Variants in XKR7 observed in about 807,000 individuals in gnomAD.
The protein encoded by XKR7 is XK related 7, also known as XK-related protein 7.
XKR7 carries 11 observed loss-of-function variants against 42.2 expected under a neutral mutation model. The observed-to-expected ratio is 0.26, with a 90% CI of 0.16 to 0.43. The LOEUF (loss-of-function observed/expected upper bound fraction) is 0.43, where lower values mean the gene tolerates loss of function less well. Ranked by LOEUF, XKR7 falls within the 20% of genes least tolerant of loss-of-function variation. The probability of loss-of-function intolerance (pLI) is 1.00; values close to 1 mark genes in which losing one functional copy is unlikely to be tolerated. For synonymous variants in XKR7, 346 were observed against 366.4 expected, an observed-to-expected ratio of 0.94 and a Z score of 0.64; for missense variants, 710 against 802.2, an observed-to-expected ratio of 0.89 and a Z score of 1.39.
In XKR7 at chr20:31,968,692, T is replaced by C. The variant is rs963963189; in HGVS notation, c.517T>C (p.Cys173Arg). Residue 173 changes from cysteine (C) to arginine (R), a missense_variant, in exon 1 of 3, where the codon TGC (cysteine) becomes CGC (arginine). Cys to Arg is a radical substitution (Grantham distance 180). This residue lies in a region of XKR7 where 708 missense variants were observed against 786.2 expected (regional missense o/e 0.90). Coordinates refer to ENST00000562532, the MANE Select transcript of XKR7 (RefSeq NM_001011718.2). This position sits in a 1 kb window ranked among gnomAD's most constrained non-coding sequence, Gnocchi z 4.5. ...PSSASAYRRRCCRLCIWLLQT... is the reference protein window; with the variant it reads ...PSSASAYRRRRCRLCIWLLQT... ...CTCGGCCAGCGCCTACCGCCGCCGC[T>C]GCTGCCGCCTCTGCATCTGGCTGCT... The C allele has an allele frequency of 1.9e-6, 3 of 1,566,112 alleles. No homozygotes were observed. Among genetic ancestry groups the C allele is most frequent in the Admixed American group, 1.8e-5 (1 of 55,084 alleles).
At chr20:31,969,450 T>G (rs559509765) in intron 1 of XKR7, among the ~76,000 whole-genome samples, 1 of 152,170 alleles carries the variant, frequency 6.6e-6, no homozygotes, top group African/African-American at 2.4e-5. Context: ...AATCCCGAAC[T>G]GGTAAGGCAA....
Position 31,995,088 on chromosome 20 carries a change from T to A in XKR7, c.605T>A (p.Leu202Gln). ...QVWRYLRALY[L>Q]GLQSRWRGER... ...CGCAGGTACCTGCGCGCCCTGTACC[T>A]GGGGCTGCAGAGCCGCTGGCGCGGG... The change falls in exon 2 of 3, where the codon CTG becomes CAG. Residue 202 changes from leucine (L) to glutamine (Q), a missense_variant. Transcript: ENST00000562532. The surrounding 1 kb of genome is among the most constrained non-coding windows in gnomAD (Gnocchi z 4.1). 6.4e-7 allele frequency: 1 copy of A among 1,552,190 alleles called. No homozygotes were observed.
intron 1 of XKR7, among the ~76,000 whole-genome samples, chr20:31,972,636 C>T (rs1321625634): frequency 6.6e-6 from 1 of 152,206 alleles, no homozygotes; most frequent in Non-Finnish European, 1.5e-5. Context: ...TGGGCCCCAG[C>T]TTCACCCAGA....
intron 1 of XKR7, among the ~76,000 whole-genome samples, chr20:31,971,293 A>T (rs923755836): frequency 6.6e-6 from 1 of 152,194 alleles, no homozygotes; most frequent in African/African-American, 2.4e-5. Context: ...GACCTTGGGC[A>T]AGGCTCTTTC....
chr20:32,000,486 A>C lies in XKR7; in HGVS notation c.*3029A>C, dbSNP rs964560108. 2.0e-5 allele frequency: 3 copies of C among 152,522 alleles called. No homozygotes were observed. In the East Asian group the frequency reaches 5.8e-4, roughly 29 times the overall value. The allele number at this position is 152,522 out of a possible 1,614,324, so 9.4% of individuals were successfully genotyped here. ...CACCTGCCCTCCACATCCATTAGACAGGAGAAAGTGAGACCCAGAGAGGAC... is the reference window on the plus strand; with the variant it reads ...CACCTGCCCTCCACATCCATTAGACCGGAGAAAGTGAGACCCAGAGAGGAC... On this transcript the variant is annotated 3_prime_UTR_variant, in exon 3 of 3. Coordinates refer to ENST00000562532, the MANE Select transcript of XKR7 (RefSeq NM_001011718.2).
intron 2 of XKR7, 111 bp from the exon 3 acceptor site, chr20:31,996,394 T>C: frequency 1.3e-6 from 1 of 743,776 alleles, no homozygotes. Context: ...GCTCCTTTCC[T>C]CACGCCTCTT....
At chr20:31,994,181 G>A (rs1254726474) in intron 1 of XKR7, among the ~76,000 whole-genome samples, 3 of 152,224 alleles carry the variant, frequency 2.0e-5, no homozygotes, top group Non-Finnish European at 4.4e-5. Flanking sequence ...GAACAGGCCA[G>A]GGAGCTGCTG....
intron 1 of XKR7, among the ~76,000 whole-genome samples, chr20:31,975,269 G>T (rs114786712): frequency 1.2e-3 from 179 of 152,096 alleles, no homozygotes; most frequent in African/African-American, 4.2e-3. Flanking sequence ...CAGAGCGATG[G>T]CTCCCCTATG....
At chr20:31,981,757 C>T (rs1166406265) in intron 1 of XKR7, among the ~76,000 whole-genome samples, 2 of 152,322 alleles carry the variant, frequency 1.3e-5, no homozygotes, top group Non-Finnish European at 2.9e-5. Flanking sequence ...CCATGGTTCA[C>T]GTCTCCACTT....
At chr20:31,970,474 T>G (rs568707743) in intron 1 of XKR7, 3 of 152,218 alleles carry the variant, frequency 2.0e-5, no homozygotes, top group Non-Finnish European at 4.4e-5. Context: ...GCTCTATGGT[T>G]TCTTGGATAT....
At position 32,000,512 on chromosome 20, in the gene XKR7, C is replaced by A. The variant is rs114331659; in HGVS notation, c.*3055C>A. The A allele has an allele frequency of 4.8e-3, 725 of 152,530 alleles. 7 individuals are homozygous for A. The highest frequency in any genetic ancestry group is 0.015 in the African/African-American group (629 of 41,574). The allele number at this position is 152,530 out of a possible 1,614,324, so 9.4% of individuals were successfully genotyped here. On this transcript the variant is annotated 3_prime_UTR_variant, in exon 3 of 3. Coordinates refer to ENST00000562532, the MANE Select transcript of XKR7 (RefSeq NM_001011718.2). ...GGAGAAAGTGAGACCCAGAGAGGACCAAGGACTCACCAAAGGCCACACAGG... is the reference window on the plus strand; with the variant it reads ...GGAGAAAGTGAGACCCAGAGAGGACAAAGGACTCACCAAAGGCCACACAGG...
chr20:31,972,394 CAG>C (rs1466048260), intron 1 of XKR7, among the ~76,000 whole-genome samples: 3 of 152,214 alleles, frequency 2.0e-5, no homozygotes, highest in South Asian at 2.1e-4. Flanking sequence ...TCTTTGTGCA[CAG>C]AGAGATTGAA....
At chr20:31,982,751 T>C (rs996362399) in intron 1 of XKR7, among the ~76,000 whole-genome samples, 5 of 152,188 alleles carry the variant, frequency 3.3e-5, no homozygotes, top group Non-Finnish European at 4.4e-5. Flanking sequence ...CCAAAGGTGC[T>C]TTCTGACCCA....
intron 1 of XKR7, among the ~76,000 whole-genome samples, chr20:31,983,568 AG>A (rs1252588869): frequency 6.6e-6 from 1 of 151,968 alleles, no homozygotes; most frequent in African/African-American, 2.4e-5. Flanking sequence ...CATGGGAGAG[AG>A]GGAGGGTGGT....
rs906538042 is a variant in XKR7 at position 31,998,806 on chromosome 20, A to C, written c.*1349A>C. ...TGCAAATGGGGCTCCCTGGAGCGGC[A>C]TCTGGGAAACTGACTTGTTTTGCCT... On this transcript the variant is annotated 3_prime_UTR_variant, in exon 3 of 3. Coordinates refer to ENST00000562532, the MANE Select transcript of XKR7 (RefSeq NM_001011718.2). The C allele has an allele frequency of 1.3e-5, 2 of 152,090 alleles. No individual in the cohort carries two copies. Among genetic ancestry groups the C allele is most frequent in the Non-Finnish European group, 2.9e-5 (2 of 68,022 alleles). The allele number at this position is 152,090 out of a possible 1,614,324, so 9.4% of individuals were successfully genotyped here. A position where few individuals can be genotyped will look rare whatever the true frequency, so the allele number is the denominator to read the frequency against.
chr20:31,994,499 G>A (rs533172429), intron 1 of XKR7, among the ~76,000 whole-genome samples: 2 of 152,288 alleles, frequency 1.3e-5, no homozygotes, highest in South Asian at 4.2e-4. Context: ...GATCACTTGA[G>A]ATGAGGCCAG....
intron 1 of XKR7, among the ~76,000 whole-genome samples, chr20:31,985,993 C>T (rs1419426923): frequency 1.4e-5 from 2 of 145,642 alleles, no homozygotes; most frequent in Non-Finnish European, 3.0e-5. Flanking sequence ...GACTACCAAG[C>T]AGACCCAGCA....
rs548457779 is a variant in XKR7, at chr20:31,973,706, T to TA, written c.584+4948dup. ...AAGGAGAAGGCCTGTGTGGCAGAAA[T>TA]AGAGTGAGGGGAGCATGTTTGGAGA... On this transcript the variant is annotated intron_variant, in intron 1 of 2. Coordinates refer to ENST00000562532, the MANE Select transcript of XKR7 (RefSeq NM_001011718.2). 1.2e-3 allele frequency among the ~76,000 whole-genome samples: 186 copies of TA among 151,648 alleles called. 2 individuals carry two copies. The Middle Eastern group carries it at 0.017, about 14-fold the overall frequency.
At chr20:31,976,118 A>G (rs775070598) in intron 1 of XKR7, among the ~76,000 whole-genome samples, 29 of 152,262 alleles carry the variant, frequency 1.9e-4, no homozygotes, top group Non-Finnish European at 3.5e-4. Flanking sequence ...TGCTCTGCAC[A>G]GTACTCAGCA....
Sources: gnomAD v4.1 joint callset for allele counts (sites outside exome capture counted in the v4.1 genomes callset) on GRCh38, gnomAD v4.1.1 for gene constraint, gnomAD v4.1.1 regional missense constraint, Gnocchi (gnomAD v3.1) non-coding constraint, MANE v1.5 for transcripts, NCBI Gene and HGNC (gene_info 2026-07-23, HGNC 2026-07-21) for gene names.